AP2B1: variants seen among roughly 807,000 people sequenced by gnomAD.
The protein encoded by AP2B1 is AP-2 complex subunit beta.
AP2B1 carries 23 observed loss-of-function variants against 102.0 expected under a neutral mutation model. The observed-to-expected ratio is 0.23, with a 90% confidence interval of 0.16 to 0.32. The LOEUF (loss-of-function observed/expected upper bound fraction) is 0.32, where lower values mean the gene tolerates loss of function less well. Ranked by LOEUF, AP2B1 falls within the 10% of genes least tolerant of loss-of-function variation. AP2B1 has a pLI of 1.00. For missense variants in AP2B1, 541 were observed against 1,157.4 expected (o/e 0.47, Z 7.73); for synonymous variants, 381 against 421.2 (o/e 0.90, Z 1.17).
At chr17:35,713,194 C>T (rs1435627497) in intron 20 of AP2B1, among the ~76,000 whole-genome samples, 1 of 152,218 alleles carries the variant, frequency 6.6e-6, no homozygotes, top group Non-Finnish European at 1.5e-5. Context: ...CAGTTTTGAT[C>T]AATTCTGTCA....
In AP2B1 at chr17:35,598,351, C is replaced by G. The variant is rs753158075; in HGVS notation, c.143+16C>G. 3 of 1,558,310 alleles carry G rather than the reference C, an allele frequency of 1.9e-6. No homozygotes were observed. In the South Asian group the frequency reaches 3.4e-5, roughly 18 times the overall value. ...AGGATGTTAGGTAAGAGTAATCACC[C>G]TTGCCATTGATCACTTCAGAGGTCC... On this transcript the variant is annotated intron_variant, in intron 3 of 21. Coordinates refer to ENST00000610402, the MANE Select transcript of AP2B1 (RefSeq NM_001030006.2).
intron 14 of AP2B1, among the ~76,000 whole-genome samples, chr17:35,668,261 T>C (rs927993715): frequency 1.3e-5 from 2 of 152,076 alleles, no homozygotes; most frequent in African/African-American, 4.8e-5. Context: ...CTGACTTCCT[T>C]TTTATTCACA....
At chr17:35,613,149 A>G (rs926552305) in intron 5 of AP2B1, among the ~76,000 whole-genome samples, 15 of 151,172 alleles carry the variant, frequency 9.9e-5, no homozygotes, top group Admixed American at 6.6e-4. Flanking sequence ...GCACCAGCAC[A>G]TATTAGATTC....
intron 17 of AP2B1, among the ~76,000 whole-genome samples, chr17:35,678,481 T>C (rs983805978): frequency 2.3e-4 from 35 of 152,176 alleles, no homozygotes; most frequent in African/African-American, 8.2e-4. Flanking sequence ...CAGTCTTTCA[T>C]CATTAAGTGT....
intron 5 of AP2B1, among the ~76,000 whole-genome samples, chr17:35,619,530 TATC>T (rs1355281681): frequency 2.0e-5 from 3 of 151,770 alleles, no homozygotes; most frequent in Non-Finnish European, 4.4e-5. Context: ...CATAAGGAAA[TATC>T]ATATTGAAGA....
At chr17:35,604,158 T>C (rs532959987) in intron 3 of AP2B1, among the ~76,000 whole-genome samples, 40 of 152,250 alleles carry the variant, frequency 2.6e-4, no homozygotes, top group African/African-American at 9.4e-4. Flanking sequence ...CTCAGGCTGG[T>C]GTGCAGTGGC....
chr17:35,641,251 T>TATCACCATCA (rs974622096), intron 11 of AP2B1, among the ~76,000 whole-genome samples: 5 of 152,164 alleles, frequency 3.3e-5, no homozygotes, highest in African/African-American at 1.2e-4. Flanking sequence ...GAGCCAATTT[T>TATCACCATCA]ATCACCATCA....
chr17:35,705,283 A>G (rs1038414525), intron 18 of AP2B1, among the ~76,000 whole-genome samples: 4 of 152,190 alleles, frequency 2.6e-5, no homozygotes, highest in Admixed American at 6.6e-5. Flanking sequence ...CCCCCAATGA[A>G]TGACCTGTGT....
chr17:35,601,352 T>C (rs938889530), intron 3 of AP2B1, among the ~76,000 whole-genome samples: 9 of 152,210 alleles, frequency 5.9e-5, no homozygotes, highest in Non-Finnish European at 1.3e-4. Context: ...TGTTTTGAGA[T>C]GGAGTCTTGC....
intron 18 of AP2B1, among the ~76,000 whole-genome samples, chr17:35,683,555 G>A (rs1337870574): frequency 1.3e-5 from 2 of 152,300 alleles, no homozygotes; most frequent in South Asian, 2.1e-4. Context: ...ATTTTATGTG[G>A]TCTACAAGAG....
At chr17:35,685,361 C>T (rs906399437) in intron 18 of AP2B1, among the ~76,000 whole-genome samples, 49 of 152,090 alleles carry the variant, frequency 3.2e-4, no homozygotes, top group African/African-American at 1.1e-3. Context: ...CCCTTTTCCC[C>T]GTATGAACAA....
At chr17:35,674,428 G>A in intron 17 of AP2B1, 107 bp downstream of exon 17, 1 of 1,333,522 alleles carries the variant, frequency 7.5e-7, no homozygotes, top group Non-Finnish European at 1.0e-6. Flanking sequence ...ATTGGGCCAG[G>A]TACAGTGGCT....
At chr17:35,701,633 C>T (rs1354158096) in intron 18 of AP2B1, among the ~76,000 whole-genome samples, 6 of 152,184 alleles carry the variant, frequency 3.9e-5, no homozygotes, top group Non-Finnish European at 8.8e-5. Context: ...GACAGGATCT[C>T]ACTCTGTTGC....
chr17:35,672,431 C>G (rs2075608602), intron 16 of AP2B1, among the ~76,000 whole-genome samples: 1 of 152,198 alleles, frequency 6.6e-6, no homozygotes, highest in South Asian at 2.1e-4. Flanking sequence ...AGAGGGGAAA[C>G]TCCCGGTTAA....
At chr17:35,662,804 T>A (rs2075387315) in intron 14 of AP2B1, among the ~76,000 whole-genome samples, 1 of 152,222 alleles carries the variant, frequency 6.6e-6, no homozygotes, top group Admixed American at 6.5e-5. Flanking sequence ...AGCCTTTTGT[T>A]CATCCAAGGT....
chr17:35,668,847 C>T (rs982859479), intron 14 of AP2B1, among the ~76,000 whole-genome samples: 5 of 152,112 alleles, frequency 3.3e-5, no homozygotes, highest in Middle Eastern at 3.2e-3. Flanking sequence ...TTCAGAACTT[C>T]GCTTTTTTGC....
At chr17:35,635,769 T>C (rs1010824260) in intron 9 of AP2B1, among the ~76,000 whole-genome samples, 3 of 152,166 alleles carry the variant, frequency 2.0e-5, no homozygotes, top group Non-Finnish European at 4.4e-5. Flanking sequence ...CGATCTCGGC[T>C]CATTGCAGCC....
rs576314611 is a variant in AP2B1 at position 35,602,344 on chromosome 17, C to T, written c.144-3361C>T. Reference sequence around the variant, plus strand: ...AGGTTAACAGGAATAGTTGAAGAACCCTTCTTGGAGATGAAATATGAGCTG... The same window carrying T: ...AGGTTAACAGGAATAGTTGAAGAACTCTTCTTGGAGATGAAATATGAGCTG... On this transcript the variant is annotated intron_variant, in intron 3 of 21. Coordinates refer to ENST00000610402, the MANE Select transcript of AP2B1 (RefSeq NM_001030006.2). Among the ~76,000 whole-genome samples, 98 of 152,216 alleles carry T rather than the reference C, an allele frequency of 6.4e-4. 1 individual carries two copies. The South Asian group carries it at 7.3e-3, about 11-fold the overall frequency.
intron 12 of AP2B1, among the ~76,000 whole-genome samples, chr17:35,643,196 A>G (rs1249217613): frequency 1.3e-5 from 2 of 152,110 alleles, no homozygotes; most frequent in African/African-American, 4.8e-5. Context: ...AAAAAATCAC[A>G]AAAGAATCTC....
Sources: gnomAD v4.1 joint callset for allele counts (sites outside exome capture counted in the v4.1 genomes callset) on GRCh38, gnomAD v4.1.1 for gene constraint, MANE v1.5 for transcripts, NCBI Gene and HGNC (gene_info 2026-07-23, HGNC 2026-07-21) for gene names.